The following NLRP1 variants were observed in gnomAD, a reference collection of about 807,000 sequenced individuals.
The protein encoded by NLRP1 is NLR family pyrin domain containing 1.
Under a neutral mutation model 136.7 loss-of-function variants are expected in NLRP1, and 94 were observed. The observed-to-expected ratio is 0.69, with a 90% confidence interval of 0.58 to 0.82. NLRP1 has a LOEUF of 0.82. Ranked by LOEUF, NLRP1 falls within the 40% of genes least tolerant of loss-of-function variation. The pLI is 0.00. For synonymous variants in NLRP1, 690 were observed against 725.1 expected (o/e 0.95, Z 0.78); for missense variants, 1,575 against 1,802.7 (o/e 0.87, Z 2.29).
intron 15 of NLRP1, among the ~76,000 whole-genome samples, chr17:5,507,025 T>G (rs935247659): frequency 4.0e-5 from 6 of 151,774 alleles, no homozygotes; most frequent in African/African-American, 1.5e-4. Context: ...TCCACTTATA[T>G]AAGGTTTCTA....
At chr17:5,509,321 A>G (rs189891168), downstream of NLRP1, among the ~76,000 whole-genome samples, 129 of 152,348 alleles carry the variant, frequency 8.5e-4, 1 homozygote, top group African/African-American at 2.9e-3. Context: ...CACAGGTTCC[A>G]GAGGACCTTC....
intron 5 of NLRP1, among the ~76,000 whole-genome samples, chr17:5,545,159 C>G (rs1323571732): frequency 1.3e-5 from 2 of 152,138 alleles, no homozygotes; most frequent in African/African-American, 4.8e-5. Context: ...AACACACATC[C>G]TGGCAAGGTG....
intron 15 of NLRP1, among the ~76,000 whole-genome samples, chr17:5,507,380 A>G (rs1185842587): frequency 6.6e-6 from 1 of 152,184 alleles, no homozygotes; most frequent in Non-Finnish European, 1.5e-5. Flanking sequence ...TCAAAAGAAA[A>G]CAAAAACCAG....
chr17:5,568,018 T>C (rs1567667457), intron 3 of NLRP1, among the ~76,000 whole-genome samples: 1 of 152,150 alleles, frequency 6.6e-6, no homozygotes, highest in African/African-American at 2.4e-5. Flanking sequence ...GGGAGTTTGA[T>C]TATTAAATGC....
intron 4 of NLRP1, among the ~76,000 whole-genome samples, chr17:5,558,099 G>A (rs576329317): frequency 1.2e-4 from 19 of 152,256 alleles, no homozygotes; most frequent in African/African-American, 4.3e-4. Context: ...TGGCAGACAC[G>A]GCAGGGCCCA....
In NLRP1 at chr17:5,558,482, G is replaced by A. The variant is rs199601083; in HGVS notation, c.2214C>T (p.Phe738=). Residue 738 remains phenylalanine, a synonymous_variant, in exon 4 of 17, where the codon TTC becomes TTT. Transcript: ENST00000572272. The part of the protein sequence containing the change: ...KTFLTQVMAH[F]EEMGMCVETD... ...TTTCTACACACATGCCCATTTCTTC[G>A]AAATGGGCCATCACTTGTGTCAGGA... The A allele has an allele frequency of 1.9e-5, 31 of 1,613,984 alleles. No homozygotes were observed. The African/African-American group carries it at 2.7e-4, about 14-fold the overall frequency.
Position 5,514,797 on chromosome 17 carries a change from C to G in NLRP1, c.4379G>C (p.Trp1460Ser). 1 of 1,614,128 alleles carries G rather than the reference C, an allele frequency of 6.2e-7. No individual in the cohort carries two copies. Among genetic ancestry groups the G allele is most frequent in the Non-Finnish European group, 8.5e-7 (1 of 1,180,018 alleles). Residue 1460 changes from tryptophan (W) to serine (S), a missense_variant, in exon 17 of 17, where the codon TGG (tryptophan) becomes TCG (serine). Coordinates refer to ENST00000572272, the MANE Select transcript of NLRP1 (RefSeq NM_033004.4). ...GAGTCCCTTTTTGCTGCCCTTCTCCCAGAGTTCCATAATGAGGTGAGGATG... is the reference window on the plus strand; with the variant it reads ...GAGTCCCTTTTTGCTGCCCTTCTCCGAGAGTTCCATAATGAGGTGAGGATG... ...ETHPHLIMEL[W>S]EKGSKKGLLP... is the part of the protein sequence containing the mutation.
intron 3 of NLRP1, among the ~76,000 whole-genome samples, chr17:5,576,174 G>A (rs1597483850): frequency 1.3e-5 from 2 of 152,298 alleles, no homozygotes; most frequent in Non-Finnish European, 2.9e-5. Flanking sequence ...GAGAAAGCAG[G>A]AAAGATCTAA....
downstream of NLRP1, among the ~76,000 whole-genome samples, chr17:5,509,334 C>T (rs11869505): frequency 0.029 from 4,366 of 152,316 alleles, 79 homozygotes; most frequent in Middle Eastern, 0.071. Flanking sequence ...GGACCTTCTT[C>T]CTTCCCCTGC....
chr17:5,507,576 T>C (rs2151727793), intron 15 of NLRP1, among the ~76,000 whole-genome samples: 1 of 152,140 alleles, frequency 6.6e-6, no homozygotes, highest in Middle Eastern at 3.4e-3. Context: ...ACGCCTGTAA[T>C]CCCACTGGGA....
intron 3 of NLRP1, among the ~76,000 whole-genome samples, chr17:5,580,267 A>G (rs911517600): frequency 6.6e-6 from 1 of 152,036 alleles, no homozygotes; most frequent in South Asian, 2.1e-4. Flanking sequence ...AAAAAACAAC[A>G]AACAAAAAAC....
At chr17:5,534,105 T>C in intron 8 of NLRP1, 117 bp from the exon 9 acceptor site, 1 of 779,242 alleles carries the variant, frequency 1.3e-6, no homozygotes, top group African/African-American at 1.7e-5. Flanking sequence ...CTCATGTCTG[T>C]AATCCTCGCA....
intron 5 of NLRP1, among the ~76,000 whole-genome samples, chr17:5,544,918 A>G (rs183285478): frequency 2.0e-5 from 3 of 152,116 alleles, no homozygotes; most frequent in Non-Finnish European, 4.4e-5. Flanking sequence ...GTTGGCAGAC[A>G]CTGTGGGAGC....
intron 12 of NLRP1, among the ~76,000 whole-genome samples, chr17:5,522,153 G>C (rs2151743694): frequency 6.6e-6 from 1 of 152,376 alleles, no homozygotes; most frequent in African/African-American, 2.4e-5. Flanking sequence ...TGTTGTTACT[G>C]AGTCAGGATT....
chr17:5,515,057 C>T lies in NLRP1; in HGVS notation c.4119G>A (p.Leu1373=), dbSNP rs1475588383. The change falls in exon 17 of 17, where the codon CTG becomes CTA. Residue 1373 remains leucine, a synonymous_variant. Coordinates refer to ENST00000572272, the MANE Select transcript of NLRP1 (RefSeq NM_033004.4). The stretch of plus-strand genomic sequence containing the variant: ...CAAAGTGCAGCAACTGCGGGGCATC[C>T]AGAGGTGAAGGTACGGCTGGCAACG... ...PPARIAVPSP[L]DAPQLLHFVD... The T allele has an allele frequency of 1.9e-6, 3 of 1,614,006 alleles. No individual in the cohort carries two copies.
At position 5,558,411 on chromosome 17, in the gene NLRP1, C is replaced by T. The variant is rs201522159; in HGVS notation, c.2285G>A (p.Arg762His). 29 of 1,613,906 alleles carry T rather than the reference C, an allele frequency of 1.8e-5. No individual in the cohort carries two copies. Among genetic ancestry groups the T allele is most frequent in the South Asian group, 4.4e-5 (4 of 91,070 alleles). The stretch of plus-strand genomic sequence containing the variant: ...AATCAGCTGAAGCTTCTTCACGTGG[C>T]GGCTGAATTTAATGCAGAAAGTGCA... ...LVCTFCIKFS[R>H]HVKKLQLIEG... Residue 762 changes from arginine to histidine, a missense_variant, in exon 4 of 17, where the codon CGC (arginine) becomes CAC (histidine). Arg to His is a conservative substitution (Grantham distance 29). Transcript: ENST00000572272.
intron 15 of NLRP1, among the ~76,000 whole-genome samples, chr17:5,516,232 T>C (rs1908094779): frequency 6.6e-6 from 1 of 151,970 alleles, no homozygotes; most frequent in Non-Finnish European, 1.5e-5. Flanking sequence ...ACCGGGTCCA[T>C]GTAGGTGGAG....
At chr17:5,512,010 G>C (rs1907673134), downstream of NLRP1, 4 of 567,518 alleles carry the variant, frequency 7.0e-6, no homozygotes, top group Admixed American at 1.1e-4. Flanking sequence ...GTAACAATGA[G>C]GTGGTAACTA....
rs748646281 is a variant in NLRP1, at chr17:5,517,774, A to G, written c.4029T>C (p.Thr1343=). The G allele has an allele frequency of 1.9e-6, 3 of 1,614,198 alleles. No individual in the cohort carries two copies. Among genetic ancestry groups the G allele is most frequent in the Non-Finnish European group, 1.7e-6 (2 of 1,180,024 alleles). The change falls in exon 15 of 17, where the codon ACT becomes ACC. Residue 1343 remains threonine, a synonymous_variant. Coordinates refer to ENST00000572272, the MANE Select transcript of NLRP1 (RefSeq NM_033004.4). ...GTTTCACCAAGGCCTCCCACACCAGAGTCTCATCTTTCTTGTCTTTCACTT... is the reference window on the plus strand; with the variant it reads ...GTTTCACCAAGGCCTCCCACACCAGGGTCTCATCTTTCTTGTCTTTCACTT... ...RLQVKDKKDE[T]LVWEALVKPG...
Sources: allele counts gnomAD v4.1 joint callset (sites outside exome capture counted in the v4.1 genomes callset), GRCh38; gene constraint gnomAD v4.1.1; transcripts MANE v1.5; gene names NCBI Gene and HGNC (gene_info 2026-07-23, HGNC 2026-07-21).